ST6GALNAC3: variants seen among roughly 807,000 people sequenced by gnomAD.
The protein encoded by ST6GALNAC3 is ST6 N-acetylgalactosaminide alpha-2,6-sialyltransferase 3.
A neutral mutation model predicts 32.7 loss-of-function variants in ST6GALNAC3; 25 were observed. That is an observed-to-expected ratio of 0.76 (90% CI 0.56 to 1.07). The LOEUF (loss-of-function observed/expected upper bound fraction) is 1.07, where lower values mean the gene tolerates loss of function less well. Ranked by LOEUF, ST6GALNAC3 falls within the 50% of genes least tolerant of loss-of-function variation. ST6GALNAC3 has a pLI of 0.00. For synonymous variants in ST6GALNAC3, 129 were observed against 133.1 expected (o/e 0.97, Z 0.21); for missense variants, 355 against 382.4 (o/e 0.93, Z 0.60).
At chr1:76,292,182 G>A (rs923546268) in intron 1 of ST6GALNAC3, among the ~76,000 whole-genome samples, 1 of 152,174 alleles carries the variant, frequency 6.6e-6, no homozygotes, top group Non-Finnish European at 1.5e-5. Context: ...TAATATTACA[G>A]CAACATTGAA....
At chr1:76,475,800 A>G (rs1220395347) in intron 3 of ST6GALNAC3, among the ~76,000 whole-genome samples, 1 of 152,178 alleles carries the variant, frequency 6.6e-6, no homozygotes, top group Admixed American at 6.5e-5. Context: ...TGCTGCACCC[A>G]TCAACCCATC....
rs939121471 is a variant in ST6GALNAC3 at position 76,435,865 on chromosome 1, T to A, written c.623+23448T>A. Among the ~76,000 whole-genome samples, 7 of 48,010 alleles carry A rather than the reference T, an allele frequency of 1.5e-4. No individual in the cohort carries two copies. The South Asian group carries it at 2.4e-3, about 17-fold the overall frequency. The allele number at this position is 48,010 out of a possible 152,430, so 31.5% of individuals were successfully genotyped here. ...TTCAATCTTTTCTTTTTTTATTTTTTTTTTTAATGTTTTATTTCCATAGGT... is the reference window on the plus strand; with the variant it reads ...TTCAATCTTTTCTTTTTTTATTTTTATTTTTAATGTTTTATTTCCATAGGT... On this transcript the variant is annotated intron_variant, in intron 3 of 4. Transcript: ENST00000328299.
chr1:76,540,006 G>A (rs994068847), intron 3 of ST6GALNAC3, among the ~76,000 whole-genome samples: 20 of 152,130 alleles, frequency 1.3e-4, no homozygotes, highest in African/African-American at 3.1e-4. Flanking sequence ...CCATTACTGC[G>A]TATGTATCCA....
chr1:76,410,862 GA>G (rs2101290356), intron 2 of ST6GALNAC3, among the ~76,000 whole-genome samples: 1 of 152,180 alleles, frequency 6.6e-6, no homozygotes, highest in East Asian at 1.9e-4. Context: ...GAGTTAAAAT[GA>G]AAAAGATAGG....
At chr1:76,269,893 T>C (rs1658737407) in intron 1 of ST6GALNAC3, among the ~76,000 whole-genome samples, 4 of 152,116 alleles carry the variant, frequency 2.6e-5, no homozygotes, top group Admixed American at 1.3e-4. Flanking sequence ...TTAGAGGGGA[T>C]GCCGTAATGC....
At chr1:76,232,444 A>G (rs531371237) in intron 1 of ST6GALNAC3, among the ~76,000 whole-genome samples, 1 of 152,260 alleles carries the variant, frequency 6.6e-6, no homozygotes, top group Non-Finnish European at 1.5e-5. Flanking sequence ...GGGCCTTGCC[A>G]GAGTGGGCTG....
intron 1 of ST6GALNAC3, among the ~76,000 whole-genome samples, chr1:76,088,765 T>G (rs1646998841): frequency 6.6e-6 from 1 of 152,230 alleles, no homozygotes; most frequent in South Asian, 2.1e-4. Flanking sequence ...GTTTTGCTTA[T>G]CGCTGTGTAT....
chr1:76,316,250 A>G (rs139241887), intron 2 of ST6GALNAC3, among the ~76,000 whole-genome samples: 134 of 152,264 alleles, frequency 8.8e-4, no homozygotes, highest in African/African-American at 3.1e-3. Context: ...TTGAAGATTT[A>G]CATGCTGTAT....
At chr1:76,453,708 T>C (rs1657568882) in intron 3 of ST6GALNAC3, among the ~76,000 whole-genome samples, 1 of 152,178 alleles carries the variant, frequency 6.6e-6, no homozygotes, top group South Asian at 2.1e-4. Context: ...ATATGGTCTA[T>C]CTTGGAGAAT....
chr1:76,341,078 C>T (rs1454876462), intron 2 of ST6GALNAC3, among the ~76,000 whole-genome samples: 3 of 151,252 alleles, frequency 2.0e-5, no homozygotes, highest in Non-Finnish European at 4.4e-5. Flanking sequence ...TTAAATGGTA[C>T]AGGTAGAGGT....
intron 3 of ST6GALNAC3, among the ~76,000 whole-genome samples, chr1:76,469,229 AAC>A (rs2101621318): frequency 6.6e-6 from 1 of 152,148 alleles, no homozygotes; most frequent in Non-Finnish European, 1.5e-5. Flanking sequence ...TTGTGATCCT[AAC>A]ACAACACACA....
intron 1 of ST6GALNAC3, among the ~76,000 whole-genome samples, chr1:76,155,634 AT>A (rs767457825): frequency 0.07 from 9,989 of 143,366 alleles, 1,050 homozygotes; most frequent in African/African-American, 0.23. Context: ...CGCCTGGCTA[AT>A]TTTTTTTTTT....
intron 1 of ST6GALNAC3, among the ~76,000 whole-genome samples, chr1:76,202,311 TAC>T: frequency 7.0e-6 from 1 of 143,126 alleles, no homozygotes; most frequent in East Asian, 2.2e-4. Flanking sequence ...TGTATGTACA[TAC>T]ACACATATAC....
intron 1 of ST6GALNAC3, among the ~76,000 whole-genome samples, chr1:76,161,543 T>A (rs149538117): frequency 6.6e-6 from 1 of 152,252 alleles, no homozygotes; most frequent in African/African-American, 2.4e-5. Context: ...CCTCTGGAGA[T>A]TTTTCTCTCT....
chr1:76,109,303 C>T (rs1264885554), intron 1 of ST6GALNAC3, among the ~76,000 whole-genome samples: 2 of 152,128 alleles, frequency 1.3e-5, no homozygotes, highest in Non-Finnish European at 2.9e-5. Context: ...TGGGAGAGTT[C>T]CTGAACTAAA....
At chr1:76,338,236 T>C (rs1647667256) in intron 2 of ST6GALNAC3, among the ~76,000 whole-genome samples, 1 of 152,188 alleles carries the variant, frequency 6.6e-6, no homozygotes. Context: ...TAAATATAAT[T>C]CTGCTGTTGA....
intron 3 of ST6GALNAC3, among the ~76,000 whole-genome samples, chr1:76,551,820 T>C (rs1246986704): frequency 1.3e-5 from 2 of 152,196 alleles, no homozygotes; most frequent in Non-Finnish European, 2.9e-5. Flanking sequence ...CCTCTCTTCA[T>C]ACCCCTCCCA....
Position 76,357,221 on chromosome 1 carries a change from G to A in ST6GALNAC3, c.213+43222G>A, listed in dbSNP as rs147331549. On this transcript the variant is annotated intron_variant, in intron 2 of 4. Transcript: ENST00000328299. ...ATAATCTCAACTCACTGCAACCTCC[G>A]CCTCCTGGGTTCAAGTGATTCTCAT... Among the ~76,000 whole-genome samples the A allele has an allele frequency of 2.2e-3, 287 of 129,670 alleles. 2 individuals are homozygous for A. Among genetic ancestry groups the A allele is most frequent in the Admixed American group, 6.1e-3 (64 of 10,578 alleles). 85.1% of individuals were successfully genotyped at this position (129,670 alleles called of 152,430 possible).
chr1:76,131,396 C>T (rs2100866321), intron 1 of ST6GALNAC3, among the ~76,000 whole-genome samples: 1 of 152,268 alleles, frequency 6.6e-6, no homozygotes, highest in East Asian at 1.9e-4. Context: ...CATGAAGGGA[C>T]CCCTGAGGGA....
Sources: gnomAD v4.1 joint callset for allele counts (sites outside exome capture counted in the v4.1 genomes callset) on GRCh38, gnomAD v4.1.1 for gene constraint, MANE v1.5 for transcripts, NCBI Gene and HGNC (gene_info 2026-07-23, HGNC 2026-07-21) for gene names.